Variants in PDE4D observed in about 807,000 individuals in gnomAD.
The protein encoded by PDE4D is phosphodiesterase 4D, also known as 3',5'-cyclic-AMP phosphodiesterase 4D.
Under a neutral mutation model 87.4 loss-of-function variants are expected in PDE4D, and 24 were observed. That is an observed-to-expected ratio of 0.27 (90% CI 0.20 to 0.39). PDE4D has a LOEUF of 0.39. Ranked by LOEUF, PDE4D falls within the 10% of genes least tolerant of loss-of-function variation. The pLI is 1.00. For missense variants in PDE4D, 714 were observed against 1,041.0 expected (o/e 0.69, Z 4.32); for synonymous variants, 384 against 383.2 (o/e 1.00, Z -0.02).
At chr5:59,456,994 T>C (rs150200306) in intron 1 of PDE4D, among the ~76,000 whole-genome samples, 83 of 152,356 alleles carry the variant, frequency 5.4e-4, no homozygotes, top group African/African-American at 1.8e-3. Context: ...AAAGATGCTA[T>C]AAAAATTGTT....
chr5:60,255,844 G>A (rs761668024), intron 1 of PDE4D, among the ~76,000 whole-genome samples: 3 of 151,720 alleles, frequency 2.0e-5, no homozygotes, highest in Non-Finnish European at 4.4e-5. Context: ...ATAAGCTTAA[G>A]AAAACACTAT....
chr5:59,720,393 C>T (rs1755659520), intron 1 of PDE4D, among the ~76,000 whole-genome samples: 1 of 152,120 alleles, frequency 6.6e-6, no homozygotes, highest in South Asian at 2.1e-4. Context: ...ATCTTCCTGC[C>T]TTAGCTTCCC....
intron 1 of PDE4D, among the ~76,000 whole-genome samples, chr5:59,793,805 AT>A (rs1202083087): frequency 6.6e-6 from 1 of 152,102 alleles, no homozygotes; most frequent in South Asian, 2.1e-4. Context: ...TAATGTAAGA[AT>A]TTTTTCCCCT....
At chr5:60,140,094 G>T (rs1241230028) in intron 2 of PDE4D, among the ~76,000 whole-genome samples, 1 of 151,556 alleles carries the variant, frequency 6.6e-6, no homozygotes, top group Non-Finnish European at 1.5e-5. Flanking sequence ...TTATTGTTTT[G>T]GTCCTGTAAT....
chr5:59,890,503 T>G (rs564661670), intron 1 of PDE4D, among the ~76,000 whole-genome samples: 1 of 152,350 alleles, frequency 6.6e-6, no homozygotes, highest in East Asian at 1.9e-4. Context: ...TCTAGAAGCT[T>G]GTGATATATG....
intron 1 of PDE4D, among the ~76,000 whole-genome samples, chr5:59,262,412 A>G (rs1391869635): frequency 2.6e-5 from 4 of 151,972 alleles, no homozygotes; most frequent in Admixed American, 2.6e-4. Flanking sequence ...TTACTTCCTC[A>G]TTATTAAGGA....
At chr5:59,788,688 T>C (rs527973037) in intron 1 of PDE4D, among the ~76,000 whole-genome samples, 2 of 152,304 alleles carry the variant, frequency 1.3e-5, no homozygotes, top group East Asian at 3.9e-4. Flanking sequence ...GTGGGACACA[T>C]TTAGAACTCC....
chr5:60,296,718 A>G (rs1753426393), intron 1 of PDE4D, among the ~76,000 whole-genome samples: 1 of 152,220 alleles, frequency 6.6e-6, no homozygotes, highest in Non-Finnish European at 1.5e-5. Flanking sequence ...ATTAGACTGG[A>G]TAAAGAAAAT....
At chr5:59,232,135 C>G (rs1755349753) in intron 1 of PDE4D, among the ~76,000 whole-genome samples, 1 of 151,972 alleles carries the variant, frequency 6.6e-6, no homozygotes, top group Non-Finnish European at 1.5e-5. Flanking sequence ...CTTAAGACGT[C>G]AAAGCATTGC....
chr5:60,219,620 G>A (rs1354959553), intron 1 of PDE4D, among the ~76,000 whole-genome samples: 1 of 152,124 alleles, frequency 6.6e-6, no homozygotes, highest in Non-Finnish European at 1.5e-5. Context: ...TACAAATTCT[G>A]AGGAAGCTAC....
intron 2 of PDE4D, among the ~76,000 whole-genome samples, chr5:60,106,522 C>G (rs1249857817): frequency 6.6e-6 from 1 of 152,144 alleles, no homozygotes; most frequent in Non-Finnish European, 1.5e-5. Flanking sequence ...TAGACATATA[C>G]AGAACTCTCC....
intron 3 of PDE4D, among the ~76,000 whole-genome samples, chr5:59,940,102 G>A (rs961767347): frequency 4.6e-5 from 7 of 152,168 alleles, no homozygotes; most frequent in Non-Finnish European, 1.0e-4. Context: ...GTGGCACCTG[G>A]AAGAGACAAC....
intron 1 of PDE4D, among the ~76,000 whole-genome samples, chr5:59,302,147 T>C (rs1055277298): frequency 1.3e-5 from 2 of 152,062 alleles, no homozygotes; most frequent in African/African-American, 4.8e-5. Flanking sequence ...AAACGGCACA[T>C]GCAGCCCCTG....
At chr5:59,554,212 C>CT (rs1303379758) in intron 1 of PDE4D, among the ~76,000 whole-genome samples, 1 of 152,122 alleles carries the variant, frequency 6.6e-6, no homozygotes, top group African/African-American at 2.4e-5. Context: ...TTTGACTCAA[C>CT]TTTTTTTCTG....
intron 1 of PDE4D, among the ~76,000 whole-genome samples, chr5:60,311,863 T>A (rs1379839854): frequency 6.6e-6 from 1 of 152,160 alleles, no homozygotes; most frequent in African/African-American, 2.4e-5. Context: ...AGTAAAGGAA[T>A]GAAGAAAATT....
chr5:59,912,344 AG>A, intron 3 of PDE4D, among the ~76,000 whole-genome samples: 1 of 152,354 alleles, frequency 6.6e-6, no homozygotes, highest in Non-Finnish European at 1.5e-5. Context: ...TAAATACTTG[AG>A]GAAAATATTT....
chr5:59,093,310 AC>A, intron 5 of PDE4D, among the ~76,000 whole-genome samples: 1 of 152,300 alleles, frequency 6.6e-6, no homozygotes, highest in South Asian at 2.1e-4. Context: ...TCCCTTACCT[AC>A]TGGAAGCGGA....
chr5:60,304,672 A>G (rs1335196600), intron 1 of PDE4D, among the ~76,000 whole-genome samples: 1 of 150,252 alleles, frequency 6.7e-6, no homozygotes, highest in Non-Finnish European at 1.5e-5. Flanking sequence ...AAAAAAAAAA[A>G]AAGAAATGGA....
At chr5:59,790,028 A>G (rs1207568574) in intron 1 of PDE4D, among the ~76,000 whole-genome samples, 1 of 152,178 alleles carries the variant, frequency 6.6e-6, no homozygotes, top group Non-Finnish European at 1.5e-5. Context: ...GGAGGGAGGA[A>G]CTGACACCAT....
Sources: gnomAD v4.1 joint callset for allele counts (sites outside exome capture counted in the v4.1 genomes callset) on GRCh38, gnomAD v4.1.1 for gene constraint, MANE v1.5 for transcripts, NCBI Gene and HGNC (gene_info 2026-07-23, HGNC 2026-07-21) for gene names.